The following NRG1 variants were observed in gnomAD, a reference collection of about 807,000 sequenced individuals.
The protein encoded by NRG1 is neuregulin 1, also known as pro-neuregulin-1, membrane-bound isoform.
A neutral mutation model predicts 63.8 loss-of-function variants in NRG1; 18 were observed. That is an observed-to-expected ratio of 0.28 (90% confidence interval 0.19 to 0.42). The LOEUF is 0.42. NRG1 is among the 10% of genes least tolerant of loss of function. NRG1 has a pLI of 1.00. For missense variants in NRG1, 762 were observed against 814.7 expected (o/e 0.94, Z 0.79); for synonymous variants, 302 against 301.3 (o/e 1.00, Z -0.02).
chr8:32,735,618 G>T (rs1268652910), intron 6 of NRG1, among the ~76,000 whole-genome samples: 1 of 152,132 alleles, frequency 6.6e-6, no homozygotes, highest in Non-Finnish European at 1.5e-5. Context: ...CAGTCGATAT[G>T]TCATTGTGTC....
rs962408192 is a variant in NRG1, at chr8:32,083,597, C to A, written c.37+444166C>A. Among the ~76,000 whole-genome samples the A allele has an allele frequency of 5.3e-5, 8 of 152,206 alleles. No homozygotes were observed. In the East Asian group the frequency reaches 1.5e-3, roughly 29 times the overall value. ...CCAGGATTCCAGCTCCTTCATAGCA[C>A]CACCCTTATGCTTACTAATCCCTTC... On this transcript the variant is annotated intron_variant, in intron 1 of 10. Coordinates refer to the NRG1 transcript ENST00000519301.
At chr8:31,857,543 T>G (rs1828037033) in intron 1 of NRG1, among the ~76,000 whole-genome samples, 1 of 152,114 alleles carries the variant, frequency 6.6e-6, no homozygotes, top group Non-Finnish European at 1.5e-5. Flanking sequence ...ACCCGGTACC[T>G]CAGATGGAAA....
intron 1 of NRG1, among the ~76,000 whole-genome samples, chr8:32,147,410 T>C (rs929050549): frequency 1.3e-5 from 2 of 152,212 alleles, no homozygotes; most frequent in Non-Finnish European, 1.5e-5. Flanking sequence ...GTACATACAA[T>C]GTAATCCTAT....
intron 1 of NRG1, among the ~76,000 whole-genome samples, chr8:32,027,414 CTCCTTCCTTCCTTCCT>C (rs774505431): frequency 3.6e-4 from 41 of 114,118 alleles, no homozygotes; most frequent in African/African-American, 1.6e-3. Context: ...CCTTCCTTCC[CTCCTTCCTTCCTTCCT>C]TCCTTCCTTC....
At chr8:31,642,567 A>C (rs375147454) in intron 1 of NRG1, among the ~76,000 whole-genome samples, 1 of 142,050 alleles carries the variant, frequency 7.0e-6, no homozygotes, top group South Asian at 2.1e-4. Flanking sequence ...TGTGCTTCTA[A>C]GGGGAAAAAA....
At position 32,265,803 on chromosome 8, in the gene NRG1, G is replaced by T. The variant is rs574650895; in HGVS notation, c.38-330025G>T. ...GGCTATAGTGAGCCATGATTGCACC[G>T]CTGCACTCCAACCTGGGTGACAGAA... On this transcript the variant is annotated intron_variant, in intron 1 of 10. Coordinates refer to the NRG1 transcript ENST00000519301. Among the ~76,000 whole-genome samples, 14 of 151,954 alleles carry T rather than the reference G, an allele frequency of 9.2e-5. 1 individual carries two copies. Among genetic ancestry groups the T allele is most frequent in the Non-Finnish European group, 1.5e-4 (10 of 67,944 alleles).
intron 1 of NRG1, among the ~76,000 whole-genome samples, chr8:31,741,487 A>G (rs1269998344): frequency 6.6e-6 from 1 of 152,084 alleles, no homozygotes; most frequent in Non-Finnish European, 1.5e-5. Context: ...TTAACCTACA[A>G]AGAAACAATA....
At chr8:32,263,443 G>A (rs1001938874) in intron 1 of NRG1, among the ~76,000 whole-genome samples, 2 of 152,156 alleles carry the variant, frequency 1.3e-5, no homozygotes, top group Admixed American at 1.3e-4. Flanking sequence ...AAGTAGGGAT[G>A]ATGGAATTTC....
intron 1 of NRG1, among the ~76,000 whole-genome samples, chr8:32,481,906 G>A (rs748176901): frequency 6.6e-6 from 1 of 152,168 alleles, no homozygotes; most frequent in African/African-American, 2.4e-5. Flanking sequence ...CCAGCTTGTT[G>A]GGGGGTTAGT....
intron 1 of NRG1, among the ~76,000 whole-genome samples, chr8:32,053,946 C>A (rs1822415493): frequency 1.3e-5 from 2 of 152,018 alleles, no homozygotes. Context: ...GTTATATTTT[C>A]CTGATTACAG....
chr8:31,783,810 C>T (rs1339869266), intron 1 of NRG1, among the ~76,000 whole-genome samples: 1 of 152,058 alleles, frequency 6.6e-6, no homozygotes, highest in Non-Finnish European at 1.5e-5. Context: ...TTCTAGAAGG[C>T]CTCGCATGGT....
intron 1 of NRG1, among the ~76,000 whole-genome samples, chr8:32,241,458 C>T (rs1848088068): frequency 6.6e-6 from 1 of 152,092 alleles, no homozygotes; most frequent in African/African-American, 2.4e-5. Flanking sequence ...TTTACAAAGC[C>T]TCGGATTGCA....
chr8:31,816,235 G>A (rs1463840243), intron 1 of NRG1, among the ~76,000 whole-genome samples: 1 of 152,096 alleles, frequency 6.6e-6, no homozygotes, highest in East Asian at 1.9e-4. Flanking sequence ...CCTCAACTGA[G>A]GCTGGGGATG....
intron 1 of NRG1, among the ~76,000 whole-genome samples, chr8:32,048,720 G>C (rs1821493371): frequency 6.6e-6 from 1 of 151,796 alleles, no homozygotes; most frequent in South Asian, 2.1e-4. Flanking sequence ...CCAGTGATTA[G>C]TGATGTTGAG....
At chr8:32,646,727 G>T (rs1204375399) in intron 5 of NRG1, 2 of 985,286 alleles carry the variant, frequency 2.0e-6, no homozygotes, top group Non-Finnish European at 2.4e-6. Context: ...GGGCCATGGG[G>T]ACTAGGCTTA....
At chr8:32,318,310 A>G (rs993863508) in intron 1 of NRG1, among the ~76,000 whole-genome samples, 2 of 152,182 alleles carry the variant, frequency 1.3e-5, no homozygotes, top group Admixed American at 1.3e-4. Flanking sequence ...TTTAAGTAGT[A>G]TATATTGTAT....
rs184224199 is a variant in NRG1, at chr8:31,756,878, G to A, written c.37+117447G>A. ...TGTTTGTGCATTTATTTCCATTTTG[G>A]TATCTTAGCAGTCATCTTCTTTTAG... On this transcript the variant is annotated intron_variant, in intron 1 of 10. Transcript: ENST00000519301. Among the ~76,000 whole-genome samples the A allele has an allele frequency of 4.2e-4, 64 of 152,132 alleles. No individual in the cohort carries two copies. In the Middle Eastern group the frequency reaches 0.014, roughly 32 times the overall value.
At chr8:32,597,553 T>G (rs1262690123) in intron 2 of NRG1, among the ~76,000 whole-genome samples, 1 of 152,098 alleles carries the variant, frequency 6.6e-6, no homozygotes, top group Non-Finnish European at 1.5e-5. Flanking sequence ...TTTTTATACC[T>G]AATATTACTA....
At chr8:32,589,121 T>C (rs1246317127) in intron 1 of NRG1, among the ~76,000 whole-genome samples, 1 of 152,238 alleles carries the variant, frequency 6.6e-6, no homozygotes, top group African/African-American at 2.4e-5. Context: ...TGCTGCCTTT[T>C]ACACAGCTAT....
Sources: allele counts gnomAD v4.1 joint callset (sites outside exome capture counted in the v4.1 genomes callset), GRCh38; gene constraint gnomAD v4.1.1; transcripts MANE v1.5; gene names NCBI Gene and HGNC (gene_info 2026-07-23, HGNC 2026-07-21).